Variants in PKHD1 observed in about 807,000 individuals in gnomAD.
PKHD1 encodes fibrocystin.
PKHD1 carries 291 observed loss-of-function variants against 412.0 expected under a neutral mutation model. The observed-to-expected ratio is 0.71, with a 90% CI of 0.64 to 0.78. The LOEUF (loss-of-function observed/expected upper bound fraction) is 0.78. Among genes scored for constraint, PKHD1 ranks in the 30% least tolerant of loss-of-function variants. The pLI, the probability that PKHD1 is intolerant of heterozygous loss-of-function variation, is 0.00. For missense variants in PKHD1, 4,825 were observed against 4,950.7 expected (o/e 0.97, Z 0.76); for synonymous variants, 1,777 against 1,821.5 (o/e 0.98, Z 0.62).
intron 16 of PKHD1, among the ~76,000 whole-genome samples, chr6:52,057,503 G>A (rs1172600599): frequency 1.3e-5 from 2 of 151,718 alleles, no homozygotes; most frequent in Non-Finnish European, 2.9e-5. Flanking sequence ...TGCAACCTCC[G>A]ACTCCCTGGT....
intron 50 of PKHD1, among the ~76,000 whole-genome samples, chr6:51,841,598 G>T (rs1770221325): frequency 6.6e-6 from 1 of 152,196 alleles, no homozygotes; most frequent in Non-Finnish European, 1.5e-5. Context: ...CTTTGGGAAT[G>T]AGTTTTTCAT....
chr6:52,020,649 G>A (rs1200741552), intron 33 of PKHD1, among the ~76,000 whole-genome samples: 1 of 152,100 alleles, frequency 6.6e-6, no homozygotes, highest in South Asian at 2.1e-4. Context: ...AGAACCACCC[G>A]CTGATTAAGG....
intron 35 of PKHD1, among the ~76,000 whole-genome samples, chr6:51,990,839 A>G (rs1796964998): frequency 6.6e-6 from 1 of 152,076 alleles, no homozygotes; most frequent in Non-Finnish European, 1.5e-5. Context: ...GGCAGACTAC[A>G]TTTCAAACTC....
chr6:51,755,867 G>A (rs914944208), intron 55 of PKHD1, among the ~76,000 whole-genome samples: 6 of 151,850 alleles, frequency 4.0e-5, no homozygotes, highest in African/African-American at 7.3e-5. Flanking sequence ...AGAGACATAC[G>A]ATAAATAAAA....
intron 36 of PKHD1, among the ~76,000 whole-genome samples, chr6:51,938,608 C>T (rs1787907594): frequency 6.6e-6 from 1 of 151,282 alleles, no homozygotes; most frequent in Admixed American, 6.6e-5. Flanking sequence ...GGACTCAGCC[C>T]ACCTGCACCC....
chr6:51,772,775 C>T lies in PKHD1; in HGVS notation c.8569G>A (p.Val2857Ile). ...TTAGGATAAGCACTGTAAAGATGAA[C>T]TTTCCCATAAACCCCTGAAAATAAA... Reference protein sequence around the residue: ...DPGTIGVYGKVHLYSAYPKNS... With the variant: ...DPGTIGVYGKIHLYSAYPKNS... The change falls in exon 55 of 67, where the codon GTT (valine) becomes ATT (isoleucine). Residue 2857 changes from valine (V) to isoleucine (I), a missense_variant. Coordinates refer to ENST00000371117, the MANE Select transcript of PKHD1 (RefSeq NM_138694.4). The T allele has an allele frequency of 6.3e-7, 1 of 1,583,016 alleles. No homozygotes were observed. The highest frequency in any genetic ancestry group is 1.1e-5 in the South Asian group (1 of 90,498).
At chr6:51,892,575 T>G (rs1347085491) in intron 43 of PKHD1, among the ~76,000 whole-genome samples, 1 of 152,226 alleles carries the variant, frequency 6.6e-6, no homozygotes, top group Non-Finnish European at 1.5e-5. Context: ...AACCTTGGTC[T>G]ATAGTCTACA....
chr6:51,947,570 G>T (rs540371681), intron 36 of PKHD1, among the ~76,000 whole-genome samples: 2 of 152,182 alleles, frequency 1.3e-5, no homozygotes, highest in South Asian at 4.2e-4. Context: ...AGTAGGTTGG[G>T]TACAAACCCA....
At chr6:51,703,230 T>C (rs1488822374) in intron 60 of PKHD1, among the ~76,000 whole-genome samples, 1 of 152,056 alleles carries the variant, frequency 6.6e-6, no homozygotes, top group Non-Finnish European at 1.5e-5. Context: ...GAGTGTCTAA[T>C]TGATTGAGGA....
intron 52 of PKHD1, among the ~76,000 whole-genome samples, chr6:51,806,251 C>T (rs533809549): frequency 2.5e-4 from 38 of 152,166 alleles, no homozygotes; most frequent in African/African-American, 9.2e-4. Flanking sequence ...TCTAGTGGTT[C>T]ACCCAAGAGG....
intron 52 of PKHD1, among the ~76,000 whole-genome samples, chr6:51,798,458 C>G (rs1437549354): frequency 6.6e-6 from 1 of 152,198 alleles, no homozygotes; most frequent in Non-Finnish European, 1.5e-5. Context: ...TACCCCCAAT[C>G]TCTTTTGGCT....
chr6:51,837,926 C>A (rs1328719814), intron 50 of PKHD1, among the ~76,000 whole-genome samples: 1 of 152,146 alleles, frequency 6.6e-6, no homozygotes, highest in African/African-American at 2.4e-5. Flanking sequence ...ACAACATGCT[C>A]TTGACATGTT....
At chr6:52,030,487 G>C (rs1245754323) in intron 29 of PKHD1, among the ~76,000 whole-genome samples, 1 of 152,198 alleles carries the variant, frequency 6.6e-6, no homozygotes, top group African/African-American at 2.4e-5. Flanking sequence ...TCAGTGTAGT[G>C]AGTTCAAGGG....
rs543092705 is a variant in PKHD1 at position 51,995,828 on chromosome 6, T to G, written c.5751+14481A>C. Among the ~76,000 whole-genome samples the G allele has an allele frequency of 2.0e-4, 31 of 152,318 alleles. 1 individual carries two copies. The highest frequency in any genetic ancestry group is 6.7e-4 in the African/African-American group (28 of 41,584). On this transcript the variant is annotated intron_variant, in intron 35 of 66. Coordinates refer to ENST00000371117, the MANE Select transcript of PKHD1 (RefSeq NM_138694.4). ...AGCAACCTCCCAAAGTCCAAAGGGA[T>G]GGACTAGTTCTAACATTCTAGATAT...
At chr6:52,031,810 G>T (rs1803080833) in intron 29 of PKHD1, among the ~76,000 whole-genome samples, 1 of 152,120 alleles carries the variant, frequency 6.6e-6, no homozygotes, top group African/African-American at 2.4e-5. Context: ...TTTTTATTCT[G>T]CTTGTAGAAA....
At chr6:52,048,346 A>C (rs1806190144) in intron 23 of PKHD1, 146 bp downstream of exon 23, 1 of 885,188 alleles carries the variant, frequency 1.1e-6, no homozygotes, top group Admixed American at 1.8e-5. Flanking sequence ...CTTTCACTTT[A>C]AGAATGTCAC....
Position 52,082,525 on chromosome 6 carries a change from G to T in PKHD1, c.148C>A (p.Leu50Ile). The T allele has an allele frequency of 6.2e-7, 1 of 1,614,022 alleles. No homozygotes were observed. The highest frequency in any genetic ancestry group is 1.1e-5 in the South Asian group (1 of 91,078). Reference sequence around the variant, plus strand: ...AATTGAGAGCCATTGTTGGGGTAAAGAACACCCAACTCCAAACCTAACACA... The same window carrying T: ...AATTGAGAGCCATTGTTGGGGTAAATAACACCCAACTCCAAACCTAACACA... ...VIFDGLELGVLYPNNGSQLEI... is the reference protein window; with the variant it reads ...VIFDGLELGVIYPNNGSQLEI... The change falls in exon 4 of 67, where the codon CTT becomes ATT. Residue 50 changes from leucine to isoleucine, a missense_variant. By Grantham distance (5) the Leu-to-Ile change is conservative. Transcript: ENST00000371117.
At chr6:51,696,076 G>A (rs529451227) in intron 60 of PKHD1, among the ~76,000 whole-genome samples, 7 of 152,312 alleles carry the variant, frequency 4.6e-5, no homozygotes, top group African/African-American at 1.7e-4. Context: ...CTTCTTCTAA[G>A]AAGCTAGCAC....
chr6:51,743,417 T>C (rs1048836802), intron 60 of PKHD1, among the ~76,000 whole-genome samples: 1 of 152,086 alleles, frequency 6.6e-6, no homozygotes, highest in Non-Finnish European at 1.5e-5. Context: ...AAGAAGCAGG[T>C]TGTAGATTGG....
Sources: gnomAD v4.1 joint callset for allele counts (sites outside exome capture counted in the v4.1 genomes callset) on GRCh38, gnomAD v4.1.1 for gene constraint, MANE v1.5 for transcripts, NCBI Gene and HGNC (gene_info 2026-07-23, HGNC 2026-07-21) for gene names.